CAPN7: variants seen among roughly 807,000 people sequenced by gnomAD.
CAPN7 encodes the protein calpain 7.
Under a neutral mutation model 115.2 loss-of-function variants are expected in CAPN7, and 72 were observed. The observed-to-expected ratio is 0.63, with a 90% CI of 0.52 to 0.76. CAPN7 has a LOEUF of 0.76. Among genes scored for constraint, CAPN7 ranks in the 30% least tolerant of loss-of-function variants. The pLI is 0.00. For synonymous variants in CAPN7, 344 were observed against 322.3 expected, an observed-to-expected ratio of 1.07 and a Z score of -0.72; for missense variants, 905 against 971.5, an observed-to-expected ratio of 0.93 and a Z score of 0.91.
intron 1 of CAPN7, among the ~76,000 whole-genome samples, chr3:15,207,355 C>T (rs753423325): frequency 6.6e-6 from 1 of 152,124 alleles, no homozygotes. Context: ...GCTTGCAGGA[C>T]TGGAAGTTGC....
At chr3:15,229,270 A>G (rs939124394) in intron 8 of CAPN7, among the ~76,000 whole-genome samples, 1 of 152,204 alleles carries the variant, frequency 6.6e-6, no homozygotes, top group Non-Finnish European at 1.5e-5. Context: ...TATGAAATTA[A>G]TGTGTTTTGA....
chr3:15,232,601 T>C lies in CAPN7; in HGVS notation c.1115T>C (p.Val372Ala). The C allele has an allele frequency of 6.2e-7, 1 of 1,612,752 alleles. No individual in the cohort carries two copies. The highest frequency in any genetic ancestry group is 1.1e-5 in the South Asian group (1 of 90,908). ...SYSNNKSELW[V>A]SLIEKAYMKV... ...TCCAACAACAAAAGTGAATTATGGGTTTCTCTCATAGAAAAAGCATACATG... is the reference window on the plus strand; with the variant it reads ...TCCAACAACAAAAGTGAATTATGGGCTTCTCTCATAGAAAAAGCATACATG... Residue 372 changes from valine to alanine, a missense_variant, in exon 10 of 21, where the codon GTT becomes GCT. By Grantham distance (64) the Val-to-Ala change is moderately conservative. This residue lies in a region of CAPN7 where 620 missense variants were observed against 703.4 expected (regional missense o/e 0.88). Transcript: ENST00000253693.
chr3:15,230,682 ATG>A, intron 9 of CAPN7, 147 bp downstream of exon 9: 1 of 511,228 alleles, frequency 2.0e-6, no homozygotes, highest in Admixed American at 3.3e-5. Flanking sequence ...CAGTAGCATC[ATG>A]TGTTAATCAT....
chr3:15,245,907 G>A (rs192619013), intron 17 of CAPN7: 131 of 396,338 alleles, frequency 3.3e-4, no homozygotes, highest in African/African-American at 2.5e-3. Context: ...GTTTAGCCCC[G>A]TGGTAATATA....
In CAPN7 at chr3:15,220,858, C is replaced by T. The variant is rs1693938702; in HGVS notation, c.515C>T (p.Pro172Leu). Reference sequence around the variant, plus strand: ...ACAAGTGTTAAGCCAAAGCCACCTCCAGTGAGAGCACATTTTCCACTGGGC... The same window carrying T: ...ACAAGTGTTAAGCCAAAGCCACCTCTAGTGAGAGCACATTTTCCACTGGGC... ...SSTSVKPKPP[P>L]VRAHFPLGAN... Residue 172 changes from proline to leucine, a missense_variant, in exon 5 of 21, where the codon CCA (proline) becomes CTA (leucine). Physicochemically the swap from Pro to Leu is moderately conservative, Grantham distance 98. Around this residue, in one of 3 missense-constraint regions of CAPN7, gnomAD observed 271 missense variants for 239.6 expected, o/e 1.13. Coordinates refer to ENST00000253693, the MANE Select transcript of CAPN7 (RefSeq NM_014296.3). 7.4e-6 allele frequency: 12 copies of T among 1,614,178 alleles called. No individual in the cohort carries two copies. The highest frequency in any genetic ancestry group is 8.5e-6 in the Non-Finnish European group (10 of 1,180,024).
In CAPN7 at chr3:15,228,956, AATTATTCTTATTAAC is replaced by A; in HGVS notation, c.853-16_853-2del. 1 of 1,572,780 alleles carries A rather than the reference AATTATTCTTATTAAC, an allele frequency of 6.4e-7. No individual in the cohort carries two copies. The highest frequency in any genetic ancestry group is 8.7e-7 in the Non-Finnish European group (1 of 1,144,458). On this transcript the variant is annotated splice_region_variant and splice_polypyrimidine_tract_variant and intron_variant, in intron 7 of 20. Transcript: ENST00000253693. ...TTACGTGAATGAATATGAATATGTTAATTATTCTTATTAACAGACAATAGTATCGGATTGCTCCTT... is the reference window on the plus strand; with the variant it reads ...TTACGTGAATGAATATGAATATGTTAAGACAATAGTATCGGATTGCTCCTT...
chr3:15,221,272 T>C (rs1225625395), intron 5 of CAPN7, among the ~76,000 whole-genome samples: 1 of 151,694 alleles, frequency 6.6e-6, no homozygotes, highest in Admixed American at 6.6e-5. Context: ...CTCTGCCTCC[T>C]GGGCTCAAGC....
intron 9 of CAPN7, among the ~76,000 whole-genome samples, chr3:15,231,655 G>A (rs7614653): frequency 0.12 from 17,819 of 151,540 alleles, 3,485 homozygotes; most frequent in African/African-American, 0.4. Context: ...TCAGCCTCCC[G>A]AGTAGCTGGG....
chr3:15,251,070 T>G (rs1207987134), intron 20 of CAPN7, 46 bp from the exon 21 acceptor site: 1 of 1,599,364 alleles, frequency 6.3e-7, no homozygotes, highest in South Asian at 1.1e-5. Flanking sequence ...TTACTTTTTG[T>G]GGCATCATCT....
intron 6 of CAPN7, among the ~76,000 whole-genome samples, chr3:15,227,077 C>T (rs1483302953): frequency 2.7e-5 from 4 of 146,056 alleles, no homozygotes; most frequent in Non-Finnish European, 6.0e-5. Context: ...GGTTCTAGAG[C>T]AGCCTGGGCA....
Position 15,223,518 on chromosome 3 carries a change from A to C in CAPN7, c.682A>C (p.Asn228His). 6.2e-7 allele frequency: 1 copy of C among 1,610,282 alleles called. No homozygotes were observed. The highest frequency in any genetic ancestry group is 1.1e-5 in the South Asian group (1 of 90,124). Residue 228 changes from asparagine to histidine, a missense_variant, in exon 6 of 21, where the codon AAT becomes CAT. Asn to His is a moderately conservative substitution (Grantham distance 68, BLOSUM62 1). Transcript: ENST00000253693. ...INGIEYVPFM[N>H]VDLRERFAYP... ...TGGTATAGAATATGTTCCTTTCATG[A>C]ATGTTGACCTGAGAGAACGTTTTGC... is the stretch of plus-strand genomic sequence containing the variant.
At chr3:15,213,149 C>T (rs2124876487) in intron 2 of CAPN7, among the ~76,000 whole-genome samples, 1 of 152,296 alleles carries the variant, frequency 6.6e-6, no homozygotes, top group Admixed American at 6.5e-5. Flanking sequence ...TTCAAAGGAA[C>T]TTTCTTTTCC....
intron 6 of CAPN7, among the ~76,000 whole-genome samples, chr3:15,227,398 C>T (rs1173686513): frequency 6.6e-6 from 1 of 152,138 alleles, no homozygotes; most frequent in African/African-American, 2.4e-5. Flanking sequence ...TAGCATGATG[C>T]CTGGCACATG....
At chr3:15,244,505 T>C (rs187490181) in intron 16 of CAPN7, among the ~76,000 whole-genome samples, 10 of 152,346 alleles carry the variant, frequency 6.6e-5, no homozygotes, top group South Asian at 2.1e-4. Context: ...TCCACAGATA[T>C]GCCAATTCTT....
intron 10 of CAPN7, among the ~76,000 whole-genome samples, 176 bp from the exon 11 acceptor site, chr3:15,233,691 C>G (rs1369883246): frequency 6.6e-6 from 1 of 152,128 alleles, no homozygotes; most frequent in Non-Finnish European, 1.5e-5. Flanking sequence ...TATGCATGTT[C>G]AAATTCAGTT....
At chr3:15,219,766 C>T (rs1693855168) in intron 4 of CAPN7, among the ~76,000 whole-genome samples, 1 of 152,174 alleles carries the variant, frequency 6.6e-6, no homozygotes, top group South Asian at 2.1e-4. Context: ...TTTTTTAGCT[C>T]GTTAGTTCTT....
chr3:15,216,509 T>G (rs1046141570), intron 2 of CAPN7, among the ~76,000 whole-genome samples: 1 of 152,240 alleles, frequency 6.6e-6, no homozygotes, highest in Non-Finnish European at 1.5e-5. Flanking sequence ...GAGATCTTTA[T>G]ATATTCTGGA....
chr3:15,236,447 TAACAG>T (rs1274397278), intron 12 of CAPN7, among the ~76,000 whole-genome samples: 2 of 152,244 alleles, frequency 1.3e-5, no homozygotes, highest in Non-Finnish European at 2.9e-5. Flanking sequence ...GGACCCTTGA[TAACAG>T]AACGAATAGA....
chr3:15,223,117 G>A (rs1302463014), intron 5 of CAPN7, among the ~76,000 whole-genome samples: 1 of 152,084 alleles, frequency 6.6e-6, no homozygotes, highest in Non-Finnish European at 1.5e-5. Context: ...TTTCAGAATT[G>A]TTAATGTGTT....
Sources: gnomAD v4.1 joint callset for allele counts (sites outside exome capture counted in the v4.1 genomes callset) on GRCh38, gnomAD v4.1.1 for gene constraint, gnomAD v4.1.1 regional missense constraint, MANE v1.5 for transcripts, NCBI Gene and HGNC (gene_info 2026-07-23, HGNC 2026-07-21) for gene names.